Variants in ARID5B observed in about 807,000 individuals in gnomAD.
The protein encoded by ARID5B is AT-rich interactive domain-containing protein 5B.
ARID5B carries 13 observed loss-of-function variants against 97.2 expected under a neutral mutation model. The ratio of observed to expected loss-of-function variants is 0.13; its 90% confidence interval spans 0.09 to 0.21. The LOEUF (loss-of-function observed/expected upper bound fraction) is 0.21. Among genes scored for constraint, ARID5B ranks in the 10% least tolerant of loss-of-function variants. The probability of loss-of-function intolerance (pLI) is 1.00; values close to 1 mark genes in which losing one functional copy is unlikely to be tolerated. For missense variants in ARID5B, 1,210 were observed against 1,465.3 expected, an observed-to-expected ratio of 0.83 and a Z score of 2.84; for synonymous variants, 556 against 570.3, an observed-to-expected ratio of 0.97 and a Z score of 0.36.
intron 4 of ARID5B, among the ~76,000 whole-genome samples, chr10:62,028,436 CT>C (rs1839450659): frequency 2.0e-5 from 3 of 152,146 alleles, no homozygotes; most frequent in Admixed American, 6.5e-5. Flanking sequence ...GTCTGTTCCC[CT>C]GTAGGGTATT....
At chr10:62,016,217 T>A (rs1589259315) in intron 4 of ARID5B, among the ~76,000 whole-genome samples, 2 of 152,350 alleles carry the variant, frequency 1.3e-5, no homozygotes, top group South Asian at 4.1e-4. Flanking sequence ...TACGCTTACA[T>A]CTTATCTATG....
At chr10:61,902,468 T>C in intron 2 of ARID5B, 55 bp downstream of exon 2, 1 of 1,588,268 alleles carries the variant, frequency 6.3e-7, no homozygotes, top group Non-Finnish European at 8.6e-7. Context: ...CCCCTAGTAA[T>C]GCTTATTACA....
chr10:62,017,492 T>C (rs1839299202), intron 4 of ARID5B, among the ~76,000 whole-genome samples: 1 of 147,688 alleles, frequency 6.8e-6, no homozygotes, highest in Non-Finnish European at 1.5e-5. Context: ...TTGTTCTGCT[T>C]TTTTTTTTTT....
intron 4 of ARID5B, among the ~76,000 whole-genome samples, chr10:62,036,809 CT>C (rs1389607128): frequency 6.6e-6 from 1 of 152,182 alleles, no homozygotes; most frequent in African/African-American, 2.4e-5. Flanking sequence ...CTGCTACTCA[CT>C]GGGTGACTCT....
chr10:61,938,478 G>T (rs932387215), intron 2 of ARID5B, among the ~76,000 whole-genome samples: 2 of 152,114 alleles, frequency 1.3e-5, no homozygotes, highest in African/African-American at 4.8e-5. Flanking sequence ...GTTCCCATAT[G>T]CTTTGAAACA....
chr10:62,077,110 C>T (rs1314974582), intron 8 of ARID5B, among the ~76,000 whole-genome samples: 2 of 152,220 alleles, frequency 1.3e-5, no homozygotes, highest in African/African-American at 4.8e-5. Flanking sequence ...GGCTCTGAGT[C>T]AGTTCAATGC....
chr10:62,030,022 TA>T (rs1207458829), intron 4 of ARID5B, among the ~76,000 whole-genome samples: 1 of 152,188 alleles, frequency 6.6e-6, no homozygotes, highest in Non-Finnish European at 1.5e-5. Context: ...TATTGGGTTC[TA>T]AAGCTAGATG....
At position 62,091,713 on chromosome 10, in the gene ARID5B, A is replaced by G; in HGVS notation, c.2250A>G (p.Ser750=). The change falls in exon 10 of 10, where the codon TCA becomes TCG. Residue 750 remains serine (S), a synonymous_variant. Transcript: ENST00000279873. Reference sequence around the variant, plus strand: ...ACCATATGGCGGTCAGCCGGCCATCAGTGATTCAGCACGTCCAGAGTTTCA... The same window carrying G: ...ACCATATGGCGGTCAGCCGGCCATCGGTGATTCAGCACGTCCAGAGTTTCA... ...STDHMAVSRP[S]VIQHVQSFRS... The G allele has an allele frequency of 1.2e-6, 2 of 1,614,174 alleles. No individual in the cohort carries two copies. The highest frequency in any genetic ancestry group is 1.7e-6 in the Non-Finnish European group (2 of 1,180,038).
chr10:61,914,245 T>C (rs948452978), intron 2 of ARID5B, among the ~76,000 whole-genome samples: 1 of 152,262 alleles, frequency 6.6e-6, no homozygotes, highest in East Asian at 1.9e-4. Flanking sequence ...ATAAATGGAA[T>C]TGGTACTTAT....
At chr10:62,002,650 A>G (rs1327895163) in intron 4 of ARID5B, among the ~76,000 whole-genome samples, 1 of 152,198 alleles carries the variant, frequency 6.6e-6, no homozygotes, top group African/African-American at 2.4e-5. Context: ...TGAAATTGAC[A>G]TGGGTTAAAG....
intron 3 of ARID5B, among the ~76,000 whole-genome samples, chr10:61,985,674 A>G (rs1012431076): frequency 3.3e-5 from 5 of 152,058 alleles, no homozygotes; most frequent in African/African-American, 9.7e-5. Context: ...ATGTAATCGT[A>G]TCATTTTTAA....
At position 61,996,405 on chromosome 10, in the gene ARID5B, C is replaced by G. The variant is rs141855541; in HGVS notation, c.503-3686C>G. ...CATTTTATCCTAATGAAAAGTCCAC[C>G]AAACTGGGAGTTCAAAGATTGGGTT... is the stretch of plus-strand genomic sequence containing the variant. On this transcript the variant is annotated intron_variant, in intron 3 of 9. Coordinates refer to ENST00000279873, the MANE Select transcript of ARID5B (RefSeq NM_032199.3). Among the ~76,000 whole-genome samples the G allele has an allele frequency of 3.0e-3, 456 of 152,038 alleles. 2 individuals are homozygous for G. The highest frequency in any genetic ancestry group is 0.01 in the African/African-American group (427 of 41,468).
At chr10:62,027,988 C>T (rs1050091529) in intron 4 of ARID5B, among the ~76,000 whole-genome samples, 2 of 152,154 alleles carry the variant, frequency 1.3e-5, no homozygotes, top group Non-Finnish European at 2.9e-5. Context: ...ATCCTGGAAA[C>T]GCCTTGTCCC....
intron 2 of ARID5B, among the ~76,000 whole-genome samples, chr10:61,904,602 G>C (rs367922155): frequency 3.3e-5 from 5 of 152,306 alleles, no homozygotes; most frequent in African/African-American, 1.2e-4. Context: ...TGCGGAGGGA[G>C]ATGGCTCTAT....
intron 2 of ARID5B, among the ~76,000 whole-genome samples, chr10:61,924,350 T>C (rs779699811): frequency 1.3e-5 from 2 of 152,228 alleles, no homozygotes; most frequent in Non-Finnish European, 2.9e-5. Flanking sequence ...TCCTGGCTTA[T>C]TGAAAAACAC....
intron 3 of ARID5B, among the ~76,000 whole-genome samples, chr10:61,969,134 T>C (rs1278439738): frequency 6.6e-6 from 1 of 152,182 alleles, no homozygotes; most frequent in East Asian, 1.9e-4. Context: ...TGAAAAGAGT[T>C]CCTTAGCTGC....
chr10:62,032,831 A>T (rs1839514550), intron 4 of ARID5B, among the ~76,000 whole-genome samples: 1 of 151,974 alleles, frequency 6.6e-6, no homozygotes, highest in South Asian at 2.1e-4. Flanking sequence ...ATCTTAAATG[A>T]CTCCTTTCTT....
At chr10:61,978,367 T>C (rs1351744277) in intron 3 of ARID5B, among the ~76,000 whole-genome samples, 2 of 152,194 alleles carry the variant, frequency 1.3e-5, no homozygotes, top group African/African-American at 4.8e-5. Flanking sequence ...CCATGTGAAC[T>C]TTAAAGTAGT....
Position 62,000,379 on chromosome 10 carries a change from C to A in ARID5B, c.733+58C>A. 6.8e-7 allele frequency: 1 copy of A among 1,467,200 alleles called. No individual in the cohort carries two copies. Among genetic ancestry groups the A allele is most frequent in the South Asian group, 1.2e-5 (1 of 80,596 alleles). The allele number at this position is 1,467,200 out of a possible 1,614,324, so 90.9% of individuals were successfully genotyped here. A position where few individuals can be genotyped will look rare whatever the true frequency, so the allele number is the denominator to read the frequency against. ...TTGTGCGTGTGTGCCTAGTTGTTTT[C>A]AGTTCTTCTGAAGAGCGGTGATGGG... is the stretch of plus-strand genomic sequence containing the variant. On this transcript the variant is annotated intron_variant, in intron 4 of 9. Coordinates refer to ENST00000279873, the MANE Select transcript of ARID5B (RefSeq NM_032199.3). This position sits in a 1 kb window ranked among gnomAD's most constrained non-coding sequence, Gnocchi z 4.4.
Sources: allele counts gnomAD v4.1 joint callset (sites outside exome capture counted in the v4.1 genomes callset), GRCh38; gene constraint gnomAD v4.1.1; non-coding constraint Gnocchi (gnomAD v3.1); transcripts MANE v1.5; gene names NCBI Gene and HGNC (gene_info 2026-07-23, HGNC 2026-07-21).